The following MAP9 variants were observed in gnomAD, a reference collection of about 807,000 sequenced individuals.
MAP9 encodes the protein microtubule associated protein 9.
MAP9 carries 80 observed loss-of-function variants against 75.2 expected under a neutral mutation model. The observed-to-expected ratio is 1.06, with a 90% CI of 0.89 to 1.28. The LOEUF (loss-of-function observed/expected upper bound fraction) is 1.28, where lower values mean the gene tolerates loss of function less well. Among genes scored for constraint, MAP9 ranks in the 50% most tolerant of loss-of-function variants. MAP9 has a pLI of 0.00. For synonymous variants in MAP9, 235 were observed against 237.3 expected, an observed-to-expected ratio of 0.99 and a Z score of 0.09; for missense variants, 753 against 719.9, an observed-to-expected ratio of 1.05 and a Z score of -0.53.
chr4:155,370,422 T>C (rs1022414080), intron 4 of MAP9, among the ~76,000 whole-genome samples: 5 of 152,234 alleles, frequency 3.3e-5, no homozygotes, highest in African/African-American at 9.6e-5. Context: ...CACTGCCTTA[T>C]CTACAGCCAT....
rs936691463 is a variant in MAP9, at chr4:155,345,511, C to T, written c.*2272G>A. The T allele has an allele frequency of 6.6e-6, 1 of 151,594 alleles. No individual in the cohort carries two copies. Among genetic ancestry groups the T allele is most frequent in the Admixed American group, 6.6e-5 (1 of 15,198 alleles). 9.4% of individuals were successfully genotyped at this position (151,594 alleles called of 1,614,324 possible). On this transcript the variant is annotated 3_prime_UTR_variant, in exon 14 of 14. Coordinates refer to ENST00000311277, the MANE Select transcript of MAP9 (RefSeq NM_001039580.2). ...GGACTGGCCAGCAAGACAGAAATTT[C>T]TTCTTCCTAAAAATGTGTAATGTCA...
Position 155,346,010 on chromosome 4 carries a change from T to G in MAP9, c.*1773A>C, listed in dbSNP as rs1323152861. The G allele has an allele frequency of 6.6e-6, 1 of 152,202 alleles. No homozygotes were observed. Among genetic ancestry groups the G allele is most frequent in the Non-Finnish European group, 1.5e-5 (1 of 68,032 alleles). 9.4% of individuals were successfully genotyped at this position (152,202 alleles called of 1,614,324 possible). ...TACATATTGCTGATAATCAGATCAA[T>G]TTCATAAAGTATTACAGTTCTGGCC... On this transcript the variant is annotated 3_prime_UTR_variant, in exon 14 of 14. Transcript: ENST00000311277.
At position 155,360,260 on chromosome 4, in the gene MAP9, C is replaced by T; in HGVS notation, c.958G>A (p.Glu320Lys). 1.2e-6 allele frequency: 2 copies of T among 1,613,180 alleles called. No homozygotes were observed. Among genetic ancestry groups the T allele is most frequent in the Non-Finnish European group, 1.7e-6 (2 of 1,179,396 alleles). ...GTTCTGTCATCATCCATAATCAGTT[C>T]CGCTTTTGCCTTTTCTTCTTCAAGG... The part of the protein sequence containing the change: ...DDLEEEKAKA[E>K]LIMDDDRTVD... Residue 320 changes from glutamate (E) to lysine (K), a missense_variant, in exon 7 of 14, where the codon GAA becomes AAA. Transcript: ENST00000311277.
chr4:155,352,790 G>T, intron 12 of MAP9, 62 bp from the exon 13 acceptor site: 1 of 1,456,040 alleles, frequency 6.9e-7, no homozygotes, highest in Non-Finnish European at 9.3e-7. Flanking sequence ...AGATTCCCTA[G>T]TACATCTTTG....
intron 5 of MAP9, chr4:155,363,439 AG>A (rs1318326754): frequency 6.6e-6 from 1 of 152,176 alleles, no homozygotes; most frequent in Non-Finnish European, 1.5e-5. Flanking sequence ...AATGGTCAAT[AG>A]GAACCAACCC....
chr4:155,350,694 T>C (rs895671140), intron 13 of MAP9, among the ~76,000 whole-genome samples: 2 of 152,012 alleles, frequency 1.3e-5, no homozygotes, highest in Non-Finnish European at 1.5e-5. Flanking sequence ...TACCTTATTT[T>C]ATTACTATTT....
At chr4:155,364,262 T>A (rs1033469785) in intron 5 of MAP9, among the ~76,000 whole-genome samples, 5 of 151,796 alleles carry the variant, frequency 3.3e-5, no homozygotes, top group Middle Eastern at 3.2e-3. Flanking sequence ...AAAACAAAGA[T>A]GAGACAAATA....
chr4:155,356,102 A>G (rs894097167), intron 8 of MAP9, among the ~76,000 whole-genome samples: 11 of 152,012 alleles, frequency 7.2e-5, no homozygotes, highest in African/African-American at 2.7e-4. Flanking sequence ...CCCTGTCTCT[A>G]CCAAAAATAC....
intron 9 of MAP9, 40 bp from the exon 10 acceptor site, chr4:155,355,200 T>C: frequency 1.5e-6 from 1 of 681,874 alleles, no homozygotes; most frequent in East Asian, 3.6e-5. Flanking sequence ...ATTTAAAATT[T>C]CTTAAGTGAA....
In MAP9 at chr4:155,352,584, A is replaced by G; in HGVS notation, c.1821+12T>C. The G allele has an allele frequency of 6.3e-7, 1 of 1,576,242 alleles. No individual in the cohort carries two copies. The stretch of plus-strand genomic sequence containing the variant: ...TGAAAAAGACGAAAGTGCATTGACA[A>G]ATAATACCTACCAGCCATTTTTCAT... On this transcript the variant is annotated intron_variant, in intron 13 of 13. Coordinates refer to ENST00000311277, the MANE Select transcript of MAP9 (RefSeq NM_001039580.2).
intron 5 of MAP9, chr4:155,368,313 ACT>A: frequency 1.8e-6 from 1 of 555,200 alleles, no homozygotes; most frequent in Non-Finnish European, 3.2e-6. Flanking sequence ...AACTGGATAA[ACT>A]CTACAATCAC....
At chr4:155,368,843 T>TA in intron 4 of MAP9, 31 bp from the exon 5 acceptor site, 1 of 1,549,054 alleles carries the variant, frequency 6.5e-7, no homozygotes, top group Non-Finnish European at 8.8e-7. Flanking sequence ...AGTGTGTGTA[T>TA]AAAAAAATGA....
intron 7 of MAP9, among the ~76,000 whole-genome samples, chr4:155,359,210 T>TACAC (rs56261222): frequency 0.29 from 42,464 of 145,338 alleles, 7,129 homozygotes; most frequent in East Asian, 0.59. Flanking sequence ...AAAATGTGTA[T>TACAC]ACACACACAC....
At chr4:155,349,993 C>T (rs1219123212) in intron 13 of MAP9, 1 of 231,190 alleles carries the variant, frequency 4.3e-6, no homozygotes, top group Non-Finnish European at 8.6e-6. Flanking sequence ...GTCCTTCAGA[C>T]ATTTATTTGT....
Position 155,362,070 on chromosome 4 carries a change from A to G in MAP9, c.780T>C (p.Ser260=). Residue 260 remains serine (S), a synonymous_variant, in exon 6 of 14, where the codon TCT becomes TCC. Coordinates refer to ENST00000311277, the MANE Select transcript of MAP9 (RefSeq NM_001039580.2). ...CACCTTTTCCAGATGCGTTTCCCTC[A>G]GATCCTGGTGAAAAAGAATCTCCAA... ...QILGDSFSPG[S]EGNASGKDPN... is the part of the protein sequence containing the mutation. 6.2e-7 allele frequency: 1 copy of G among 1,601,394 alleles called. No homozygotes were observed. Among genetic ancestry groups the G allele is most frequent in the South Asian group, 1.1e-5 (1 of 88,610 alleles).
intron 8 of MAP9, among the ~76,000 whole-genome samples, chr4:155,356,087 T>G (rs1485015206): frequency 6.6e-6 from 1 of 152,072 alleles, no homozygotes; most frequent in Non-Finnish European, 1.5e-5. Context: ...GGCAACATGG[T>G]GAAACCCTGT....
rs1439636041 is a variant in MAP9, at chr4:155,347,059, C to T, written c.*724G>A. On this transcript the variant is annotated 3_prime_UTR_variant, in exon 14 of 14. Coordinates refer to ENST00000311277, the MANE Select transcript of MAP9 (RefSeq NM_001039580.2). Reference sequence around the variant, plus strand: ...TAACTAATACATAAGTATATCACTACTGTGACATTGATGTCTTTTGGTATC... The same window carrying T: ...TAACTAATACATAAGTATATCACTATTGTGACATTGATGTCTTTTGGTATC... 1 of 152,124 alleles carries T rather than the reference C, an allele frequency of 6.6e-6. No individual in the cohort carries two copies. Among genetic ancestry groups the T allele is most frequent in the African/African-American group, 2.4e-5 (1 of 41,426 alleles). 9.4% of individuals were successfully genotyped at this position (152,124 alleles called of 1,614,324 possible).
rs2111174764 is a variant in MAP9 at position 155,347,480 on chromosome 4, CAG to C, written c.*301_*302del. ...GAATTAAATATACTTAAATAACATA[CAG>C]AGCTTAATGAAAAAGATCATGAATC... On this transcript the variant is annotated 3_prime_UTR_variant, in exon 14 of 14. Transcript: ENST00000311277. The C allele has an allele frequency of 4.4e-6, 1 of 225,046 alleles. No individual in the cohort carries two copies. The highest frequency in any genetic ancestry group is 1.7e-4 in the South Asian group (1 of 5,810). 13.9% of individuals were successfully genotyped at this position (225,046 alleles called of 1,614,324 possible).
intron 7 of MAP9, among the ~76,000 whole-genome samples, chr4:155,359,891 C>T (rs943040131): frequency 3.3e-5 from 5 of 152,010 alleles, no homozygotes; most frequent in Admixed American, 2.6e-4. Context: ...GAAATATATA[C>T]ACTATGAGTA....
Sources: gnomAD v4.1 joint callset for allele counts (sites outside exome capture counted in the v4.1 genomes callset) on GRCh38, gnomAD v4.1.1 for gene constraint, MANE v1.5 for transcripts, NCBI Gene and HGNC (gene_info 2026-07-23, HGNC 2026-07-21) for gene names.